The following XKR4 variants were observed in gnomAD, a reference collection of about 807,000 sequenced individuals.
XKR4 encodes XK related 4, also known as XK-related protein 4.
In XKR4, 12 loss-of-function variants were observed where a neutral mutation model predicts 53.9. The observed-to-expected ratio is 0.22, with a 90% CI of 0.14 to 0.36. The LOEUF is 0.36. Ranked by LOEUF, XKR4 falls within the 10% of genes least tolerant of loss-of-function variation. The pLI, the probability that XKR4 is intolerant of heterozygous loss-of-function variation, is 1.00. For synonymous variants in XKR4, 354 were observed against 362.4 expected, an observed-to-expected ratio of 0.98 and a Z score of 0.26; for missense variants, 799 against 859.5, an observed-to-expected ratio of 0.93 and a Z score of 0.88.
intron 1 of XKR4, among the ~76,000 whole-genome samples, chr8:55,153,165 G>A (rs1364292541): frequency 1.3e-5 from 2 of 152,126 alleles, no homozygotes; most frequent in Non-Finnish European, 2.9e-5. Context: ...CTAGCATCAA[G>A]GTGACCTTTT....
chr8:55,299,001 A>T (rs910390285), intron 1 of XKR4, among the ~76,000 whole-genome samples: 1 of 152,162 alleles, frequency 6.6e-6, no homozygotes, highest in Non-Finnish European at 1.5e-5. Context: ...TACAGTCCAC[A>T]TTCTATGTTG....
At position 55,524,123 on chromosome 8, in the gene XKR4, C is replaced by T; in HGVS notation, c.1849C>T (p.Arg617Ter). 2 of 1,614,174 alleles carry T rather than the reference C, an allele frequency of 1.2e-6. No individual in the cohort carries two copies. Among genetic ancestry groups the T allele is most frequent in the Non-Finnish European group, 1.7e-6 (2 of 1,180,042 alleles). Residue 617 changes from arginine to a stop codon, truncating the protein, a stop_gained, in exon 3 of 3, where the codon CGA becomes TGA. Transcript: ENST00000327381. LOFTEE classifies it high-confidence loss of function. ...WERHVLDRSL[R>*]KAILAFECSP... The stretch of plus-strand genomic sequence containing the variant: ...GAGACATGTTTTGGACCGAAGCCTC[C>T]GAAAGGCTATTTTAGCTTTTGAATG...
chr8:55,244,272 G>A (rs11780541), intron 1 of XKR4, among the ~76,000 whole-genome samples: 50,989 of 152,008 alleles, frequency 0.34, 10,163 homozygotes, highest in Middle Eastern at 0.46. Flanking sequence ...TTGTGTCTAC[G>A]TGTACTCAAT....
At chr8:55,246,814 C>T (rs1818291916) in intron 1 of XKR4, among the ~76,000 whole-genome samples, 1 of 151,852 alleles carries the variant, frequency 6.6e-6, no homozygotes, top group East Asian at 1.9e-4. Context: ...ACCTTTTAGC[C>T]ACAAAACTTC....
chr8:55,509,815 G>A (rs1444877996), intron 2 of XKR4, among the ~76,000 whole-genome samples: 1 of 152,150 alleles, frequency 6.6e-6, no homozygotes, highest in Non-Finnish European at 1.5e-5. Flanking sequence ...CTGATCATCT[G>A]TTCTTTCGGC....
At chr8:55,369,373 AGGGGAGGGG>A in intron 2 of XKR4, among the ~76,000 whole-genome samples, 1 of 11,154 alleles carries the variant, frequency 9.0e-5, no homozygotes. Flanking sequence ...AGGGAAGGGG[AGGGGAGGGG>A]AGGGGAGGGG....
intron 1 of XKR4, among the ~76,000 whole-genome samples, chr8:55,134,329 T>C (rs980010120): frequency 2.6e-5 from 4 of 152,232 alleles, no homozygotes; most frequent in African/African-American, 9.6e-5. Flanking sequence ...TGAGAAGCTA[T>C]TTGTGTGTGC....
At chr8:55,365,127 C>T (rs1242402951) in intron 2 of XKR4, among the ~76,000 whole-genome samples, 1 of 152,202 alleles carries the variant, frequency 6.6e-6, no homozygotes, top group Non-Finnish European at 1.5e-5. Context: ...AATCCAGTTG[C>T]ATCACAGCCT....
At chr8:55,320,173 T>C (rs1159628819) in intron 1 of XKR4, among the ~76,000 whole-genome samples, 2 of 152,130 alleles carry the variant, frequency 1.3e-5, no homozygotes, top group African/African-American at 4.8e-5. Context: ...TGAAAAACAG[T>C]CATTGAAAAG....
At chr8:55,346,044 C>T (rs923696757) in intron 1 of XKR4, among the ~76,000 whole-genome samples, 6 of 150,352 alleles carry the variant, frequency 4.0e-5, no homozygotes, top group African/African-American at 1.2e-4. Flanking sequence ...AATGGAGAAT[C>T]GTTGTTTAGT....
chr8:55,350,624 G>A (rs971084650), intron 1 of XKR4, among the ~76,000 whole-genome samples: 3 of 152,090 alleles, frequency 2.0e-5, no homozygotes, highest in African/African-American at 7.2e-5. Context: ...TTCATCCAGA[G>A]TTAAATCCAG....
intron 1 of XKR4, among the ~76,000 whole-genome samples, chr8:55,343,420 A>G (rs1160472765): frequency 6.6e-6 from 1 of 152,194 alleles, no homozygotes; most frequent in Non-Finnish European, 1.5e-5. Flanking sequence ...CTGTTGGCAC[A>G]GGGAGCTCAG....
chr8:55,112,075 A>T (rs1816239689), intron 1 of XKR4, among the ~76,000 whole-genome samples: 1 of 152,218 alleles, frequency 6.6e-6, no homozygotes, highest in Non-Finnish European at 1.5e-5. Flanking sequence ...TGTGAAGCTG[A>T]ACGATTTTTA....
chr8:55,477,315 G>A (rs988950856), intron 2 of XKR4, among the ~76,000 whole-genome samples: 1 of 152,122 alleles, frequency 6.6e-6, no homozygotes, highest in Non-Finnish European at 1.5e-5. Context: ...TGGACCTCTA[G>A]CAAACTCCAA....
rs559339226 is a variant in XKR4, at chr8:55,369,174, C to T, written c.1006+11297C>T. 1.6e-4 allele frequency among the ~76,000 whole-genome samples: 24 copies of T among 151,766 alleles called. No homozygotes were observed. In the Middle Eastern group the frequency reaches 0.014, roughly 86 times the overall value. ...GCCAGGAGTTTGAGACCAGCCTGAG[C>T]AACACAGCAAGACCCCATCTCTACA... On this transcript the variant is annotated intron_variant, in intron 2 of 2. Coordinates refer to ENST00000327381, the MANE Select transcript of XKR4 (RefSeq NM_052898.2).
intron 1 of XKR4, among the ~76,000 whole-genome samples, chr8:55,185,002 C>T (rs954051811): frequency 1.3e-5 from 2 of 152,164 alleles, no homozygotes; most frequent in Non-Finnish European, 2.9e-5. Context: ...TACAGTTCGT[C>T]TAACCTTATA....
chr8:55,185,293 G>A (rs1421906613), intron 1 of XKR4, among the ~76,000 whole-genome samples: 1 of 152,144 alleles, frequency 6.6e-6, no homozygotes, highest in Non-Finnish European at 1.5e-5. Flanking sequence ...TGTTTCAGTT[G>A]AGAAATCCCA....
At chr8:55,113,224 G>T (rs1257747328) in intron 1 of XKR4, among the ~76,000 whole-genome samples, 5 of 152,214 alleles carry the variant, frequency 3.3e-5, no homozygotes, top group Non-Finnish European at 7.3e-5. Context: ...TAACAAGCAT[G>T]TCCAAATACT....
At chr8:55,158,493 G>A (rs552133204) in intron 1 of XKR4, among the ~76,000 whole-genome samples, 5 of 152,208 alleles carry the variant, frequency 3.3e-5, no homozygotes, top group South Asian at 2.1e-4. Flanking sequence ...GCAGAAGCTC[G>A]TTAGTTTAAT....
Sources: allele counts gnomAD v4.1 joint callset (sites outside exome capture counted in the v4.1 genomes callset), GRCh38; gene constraint gnomAD v4.1.1; transcripts MANE v1.5; gene names NCBI Gene and HGNC (gene_info 2026-07-23, HGNC 2026-07-21).